The following MROH7 variants were observed in gnomAD, a reference collection of about 807,000 sequenced individuals.
MROH7 encodes maestro heat-like repeat-containing protein family member 7.
Under a neutral mutation model 129.2 loss-of-function variants are expected in MROH7, and 113 were observed. The ratio of observed to expected loss-of-function variants is 0.87; its 90% CI spans 0.75 to 1.02. The LOEUF is 1.02. MROH7 is among the 50% of genes least tolerant of loss of function. The pLI is 0.00. For synonymous variants in MROH7, 655 were observed against 667.9 expected (o/e 0.98, Z 0.30); for missense variants, 1,601 against 1,671.3 (o/e 0.96, Z 0.73).
At chr1:54,709,437 C>T (rs1188544720) in intron 23 of MROH7, among the ~76,000 whole-genome samples, 1 of 151,976 alleles carries the variant, frequency 6.6e-6, no homozygotes, top group Non-Finnish European at 1.5e-5. Context: ...AGGCTGGTCT[C>T]GAACTCCTGA....
rs1157748080 is a variant in MROH7 at position 54,696,659 on chromosome 1, C to CT, written c.2964+1199dup. ...TGTTGCATGCATCACAATTTCCTTACTTTTTTTTTTTTTTTTTTTTTTTTT... is the reference window on the plus strand; with the variant it reads ...TGTTGCATGCATCACAATTTCCTTACTTTTTTTTTTTTTTTTTTTTTTTTTT... On this transcript the variant is annotated intron_variant, in intron 17 of 23. Transcript: ENST00000421030. Among the ~76,000 whole-genome samples, 436 of 66,860 alleles carry CT rather than the reference C, an allele frequency of 6.5e-3. 70 individuals are homozygous for CT. Among genetic ancestry groups the CT allele is most frequent in the Non-Finnish European group, 8.2e-3 (306 of 37,528 alleles). The allele number at this position is 66,860 out of a possible 152,430, so 43.9% of individuals were successfully genotyped here. A position where few individuals can be genotyped will look rare whatever the true frequency, so the allele number is the denominator to read the frequency against.
At chr1:54,697,842 G>A (rs1645347125) in intron 17 of MROH7, 1 of 548,460 alleles carries the variant, frequency 1.8e-6, no homozygotes. Context: ...TCTTGCAGGA[G>A]AGGAGGGAGG....
chr1:54,672,648 C>T (rs1286761316), intron 7 of MROH7, among the ~76,000 whole-genome samples: 1 of 152,198 alleles, frequency 6.6e-6, no homozygotes, highest in Non-Finnish European at 1.5e-5. Flanking sequence ...ATTGATCCAG[C>T]TCTTGCGGTT....
intron 10 of MROH7, 91 bp downstream of exon 10, chr1:54,674,242 AG>A (rs1318706008): frequency 1.9e-5 from 27 of 1,451,310 alleles, no homozygotes; most frequent in Non-Finnish European, 2.4e-5. Flanking sequence ...CTTGGCATTA[AG>A]GCACTGGTGG....
Position 54,705,370 on chromosome 1 carries a change from T to G in MROH7, c.3565-1065T>G, listed in dbSNP as rs12043150. Among the ~76,000 whole-genome samples, 1,724 of 152,332 alleles carry G rather than the reference T, an allele frequency of 0.011. 164 individuals are homozygous for G. In the East Asian group the frequency reaches 0.22, roughly 19 times the overall value. ...CAGTCCCTGTCCAGGGTGCTGAGACTCTTAGCTGAGTGAAATGGCCCCTTC... is the reference window on the plus strand; with the variant it reads ...CAGTCCCTGTCCAGGGTGCTGAGACGCTTAGCTGAGTGAAATGGCCCCTTC... On this transcript the variant is annotated intron_variant, in intron 21 of 23. Transcript: ENST00000421030.
chr1:54,666,229 G>GA (rs1173906517), intron 4 of MROH7, among the ~76,000 whole-genome samples: 4 of 152,056 alleles, frequency 2.6e-5, no homozygotes, highest in African/African-American at 9.7e-5. Context: ...AAGGTCTGCT[G>GA]AAAAAAATCA....
chr1:54,654,171 C>A lies in MROH7; in HGVS notation c.1231+14C>A. On this transcript the variant is annotated intron_variant, in intron 3 of 23. Transcript: ENST00000421030. ...GCATCCCTGAGGGTAAGGCCAGGGC[C>A]GCAGCCCTAGAGAGAGCACTGTCCT... The A allele has an allele frequency of 6.3e-7, 1 of 1,587,904 alleles. No homozygotes were observed. The highest frequency in any genetic ancestry group is 1.7e-5 in the Admixed American group (1 of 57,310).
At chr1:54,708,195 G>A (rs1645564798) in intron 22 of MROH7, among the ~76,000 whole-genome samples, 1 of 152,116 alleles carries the variant, frequency 6.6e-6, no homozygotes, top group African/African-American at 2.4e-5. Context: ...AAGGTGAGAG[G>A]ATCATTTAAG....
intron 3 of MROH7, among the ~76,000 whole-genome samples, chr1:54,657,304 C>A (rs913276871): frequency 1.3e-5 from 2 of 151,826 alleles, no homozygotes; most frequent in African/African-American, 2.4e-5. Context: ...ACTGCCTCAG[C>A]CTCCCAAAGT....
In MROH7 at chr1:54,666,425, A is replaced by ATT. The variant is rs71048704; in HGVS notation, c.1305+1211_1305+1212dup. On this transcript the variant is annotated intron_variant, in intron 4 of 23. Coordinates refer to ENST00000421030, the MANE Select transcript of MROH7 (RefSeq NM_001039464.4). ...GGTTATAGGAGGCGGGAGAAGAGGA[A>ATT]TTTTTTTTTTTTTTTTTTTTTTTTT... Among the ~76,000 whole-genome samples, 359 of 69,206 alleles carry ATT rather than the reference A, an allele frequency of 5.2e-3. 25 individuals are homozygous for ATT. Among genetic ancestry groups the ATT allele is most frequent in the African/African-American group, 0.016 (328 of 20,020 alleles). 45.4% of individuals were successfully genotyped at this position (69,206 alleles called of 152,430 possible).
At chr1:54,660,536 G>A (rs368567917) in intron 3 of MROH7, among the ~76,000 whole-genome samples, 18 of 152,218 alleles carry the variant, frequency 1.2e-4, no homozygotes, top group East Asian at 1.2e-3. Context: ...TAGTCAGGCC[G>A]GGTGCAGTGG....
intron 14 of MROH7, among the ~76,000 whole-genome samples, chr1:54,684,654 T>C (rs372128356): frequency 3.3e-5 from 5 of 152,222 alleles, no homozygotes; most frequent in Non-Finnish European, 5.9e-5. Context: ...TCTTTGGATG[T>C]AATCATTAGC....
chr1:54,676,722 T>C (rs1166450841), intron 10 of MROH7, among the ~76,000 whole-genome samples: 1 of 150,706 alleles, frequency 6.6e-6, no homozygotes, highest in Admixed American at 6.6e-5. Flanking sequence ...CTTTTCTTTT[T>C]TTTTTTTCTG....
At chr1:54,705,091 C>G (rs1462124914) in intron 21 of MROH7, among the ~76,000 whole-genome samples, 1 of 152,166 alleles carries the variant, frequency 6.6e-6, no homozygotes, top group African/African-American at 2.4e-5. Context: ...AGCCACTGCA[C>G]CCGGCTGAAT....
chr1:54,708,175 T>C (rs1468183464), intron 22 of MROH7, among the ~76,000 whole-genome samples: 1 of 152,050 alleles, frequency 6.6e-6, no homozygotes, highest in African/African-American at 2.4e-5. Context: ...TCCCAATCCT[T>C]TGGGGAGTCA....
chr1:54,670,012 A>C (rs2664063), intron 5 of MROH7, among the ~76,000 whole-genome samples: 2,910 of 126,676 alleles, frequency 0.023, 161 homozygotes, highest in East Asian at 0.14. Flanking sequence ...TCAAAAAAAA[A>C]AAAAAAAAAA....
rs1645476598 is a variant in MROH7 at position 54,703,721 on chromosome 1, G to A, written c.3564+976G>A. 6.6e-6 allele frequency among the ~76,000 whole-genome samples: 1 copy of A among 152,114 alleles called. No homozygotes were observed. Among genetic ancestry groups the A allele is most frequent in the African/African-American group, 2.4e-5 (1 of 41,410 alleles). On this transcript the variant is annotated intron_variant, in intron 21 of 23. Coordinates refer to ENST00000421030, the MANE Select transcript of MROH7 (RefSeq NM_001039464.4). This position sits in a 1 kb window ranked among gnomAD's most constrained non-coding sequence, Gnocchi z 4.4. ...ATATGTCATTTGGGAGGATTTGCCC[G>A]CGGTCTCAATCTACCTTCCCTGTTG... is the stretch of plus-strand genomic sequence containing the variant.
chr1:54,677,881 G>A (rs1285366538), intron 10 of MROH7, among the ~76,000 whole-genome samples: 2 of 152,094 alleles, frequency 1.3e-5, no homozygotes, highest in South Asian at 2.1e-4. Flanking sequence ...TCTCGTTGTC[G>A]GGAGATAAGA....
chr1:54,688,232 A>ATTTTT (rs903515362), intron 15 of MROH7, among the ~76,000 whole-genome samples: 1 of 132,278 alleles, frequency 7.6e-6, no homozygotes. Context: ...AAAAAAAAAA[A>ATTTTT]TTTTTTTTTT....
Sources: gnomAD v4.1 joint callset for allele counts (sites outside exome capture counted in the v4.1 genomes callset) on GRCh38, gnomAD v4.1.1 for gene constraint, Gnocchi (gnomAD v3.1) non-coding constraint, MANE v1.5 for transcripts, NCBI Gene and HGNC (gene_info 2026-07-23, HGNC 2026-07-21) for gene names.